The following NT5C2 variants were observed in gnomAD, a reference collection of about 807,000 sequenced individuals.
The protein encoded by NT5C2 is cytosolic purine 5'-nucleotidase.
In NT5C2, 58 loss-of-function variants were observed where a neutral mutation model predicts 76.1. That is an observed-to-expected ratio of 0.76 (90% CI 0.62 to 0.95). NT5C2 has a LOEUF of 0.95. Among genes scored for constraint, NT5C2 ranks in the 40% least tolerant of loss-of-function variants. The pLI, the probability that NT5C2 is intolerant of heterozygous loss-of-function variation, is 0.00. For missense variants in NT5C2, 478 were observed against 690.3 expected, an observed-to-expected ratio of 0.69 and a Z score of 3.45; for synonymous variants, 229 against 237.4, an observed-to-expected ratio of 0.96 and a Z score of 0.32.
Position 103,088,437 on chromosome 10 carries a change from T to A in NT5C2, c.*1235A>T, listed in dbSNP as rs1485013553. The A allele has an allele frequency of 1.3e-5, 2 of 152,180 alleles. No homozygotes were observed. Among genetic ancestry groups the A allele is most frequent in the Non-Finnish European group, 2.9e-5 (2 of 68,048 alleles). The allele number at this position is 152,180 out of a possible 1,614,324, so 9.4% of individuals were successfully genotyped here. Reference sequence around the variant, plus strand: ...TTTGTTCTTGTTGCCCAGGCTGGAGTGCAATGGCACAATCCTGGCTCACTG... The same window carrying A: ...TTTGTTCTTGTTGCCCAGGCTGGAGAGCAATGGCACAATCCTGGCTCACTG... On this transcript the variant is annotated 3_prime_UTR_variant, in exon 19 of 19. Coordinates refer to ENST00000404739, the MANE Select transcript of NT5C2 (RefSeq NM_001351169.2).
chr10:103,175,033 T>G, intron 2 of NT5C2, 51 bp from the exon 3 acceptor site: 2 of 1,018,098 alleles, frequency 2.0e-6, no homozygotes, highest in South Asian at 1.4e-5. Context: ...ATCTGTATAC[T>G]GACATCTGAT....
intron 3 of NT5C2, among the ~76,000 whole-genome samples, chr10:103,154,812 C>T (rs1225283807): frequency 6.6e-6 from 1 of 152,240 alleles, no homozygotes; most frequent in East Asian, 1.9e-4. Flanking sequence ...ATCCTCAAAG[C>T]AAATTCCATA....
chr10:103,183,263 A>T (rs765808510), intron 1 of NT5C2, among the ~76,000 whole-genome samples: 81 of 4,926 alleles, frequency 0.016, 1 homozygote, highest in Middle Eastern at 0.17. Flanking sequence ...TGTGTGTGTG[A>T]TATATATATA....
chr10:103,158,592 C>T (rs941609724), intron 3 of NT5C2, among the ~76,000 whole-genome samples: 4 of 151,900 alleles, frequency 2.6e-5, no homozygotes, highest in African/African-American at 4.8e-5. Flanking sequence ...CCAAGGCAGG[C>T]GATCACTTGA....
chr10:103,129,284 G>T (rs1350846450), intron 4 of NT5C2, among the ~76,000 whole-genome samples: 2 of 103,224 alleles, frequency 1.9e-5, no homozygotes, highest in African/African-American at 7.4e-5. Flanking sequence ...CAGCCGCCCC[G>T]TCCGGGAGGG....
intron 4 of NT5C2, among the ~76,000 whole-genome samples, chr10:103,135,727 G>A (rs2079065449): frequency 6.6e-6 from 1 of 151,774 alleles, no homozygotes; most frequent in Non-Finnish European, 1.5e-5. Context: ...GGCGGAGGTT[G>A]CAATGAGCTG....
At chr10:103,183,262 G>GATACATATATATATATAT (rs1554841573) in intron 1 of NT5C2, among the ~76,000 whole-genome samples, 1 of 73,344 alleles carries the variant, frequency 1.4e-5, no homozygotes, top group South Asian at 5.1e-4. Context: ...GTGTGTGTGT[G>GATACATATATATATATAT]ATATATATAT....
intron 3 of NT5C2, among the ~76,000 whole-genome samples, chr10:103,171,996 T>TA (rs1215389235): frequency 2.6e-5 from 4 of 151,978 alleles, no homozygotes; most frequent in Non-Finnish European, 5.9e-5. Context: ...GATCACCTGA[T>TA]ATCAGGAGTT....
intron 1 of NT5C2, among the ~76,000 whole-genome samples, chr10:103,192,295 A>G (rs139728898): frequency 1.2e-3 from 180 of 152,206 alleles, no homozygotes; most frequent in Middle Eastern, 3.4e-3. Context: ...CCCCCCTGTA[A>G]TGGTGACTAG....
At chr10:103,106,815 T>G in intron 4 of NT5C2, 109 bp from the exon 5 acceptor site, 1 of 744,350 alleles carries the variant, frequency 1.3e-6, no homozygotes, top group Non-Finnish European at 2.4e-6. Flanking sequence ...CTCCTAATTC[T>G]GCCATTTTTC....
chr10:103,111,042 C>T (rs1459158206), intron 4 of NT5C2, among the ~76,000 whole-genome samples: 2 of 152,170 alleles, frequency 1.3e-5, no homozygotes, highest in African/African-American at 4.8e-5. Flanking sequence ...TAGGAAACCA[C>T]ATATATCTCC....
At position 103,101,055 on chromosome 10, in the gene NT5C2, T is replaced by A; in HGVS notation, c.529A>T (p.Arg177Ter). 1 of 1,553,906 alleles carries A rather than the reference T, an allele frequency of 6.4e-7. No individual in the cohort carries two copies. Among genetic ancestry groups the A allele is most frequent in the Non-Finnish European group, 8.9e-7 (1 of 1,125,328 alleles). ...ATAGTATATACATACCTGGTATATC[T>A]GGGACAATTAGTAAAAAAATCTACT... ...CLVDFFTNCP[R>*]YTSCETGFKD... Residue 177 changes from arginine (R) to a stop codon, truncating the protein, a stop_gained, in exon 8 of 19, where the codon AGA (arginine) becomes TGA (stop). Coordinates refer to ENST00000404739, the MANE Select transcript of NT5C2 (RefSeq NM_001351169.2). LOFTEE classifies it high-confidence loss of function.
intron 1 of NT5C2, among the ~76,000 whole-genome samples, chr10:103,192,716 T>C (rs1348373431): frequency 3.9e-5 from 6 of 152,184 alleles, no homozygotes; most frequent in Admixed American, 3.3e-4. Flanking sequence ...AGAGGCCCCT[T>C]GGCTTCTCGG....
intron 3 of NT5C2, among the ~76,000 whole-genome samples, chr10:103,142,458 C>G (rs1175461446): frequency 6.6e-6 from 1 of 152,038 alleles, no homozygotes; most frequent in Non-Finnish European, 1.5e-5. Flanking sequence ...ATCGCTTGAG[C>G]ACAGGAGTTC....
chr10:103,104,878 A>T (rs1284714660), intron 6 of NT5C2, among the ~76,000 whole-genome samples: 1 of 152,236 alleles, frequency 6.6e-6, no homozygotes, highest in African/African-American at 2.4e-5. Flanking sequence ...AGTAAATGGA[A>T]AAGTTACATA....
In NT5C2 at chr10:103,094,145, G is replaced by A. The variant is rs182028870; in HGVS notation, c.922-107C>T. Reference sequence around the variant, plus strand: ...CCCCACCACCAGTGCTACTTGGCCAGACAGCCAAATGAATGGCACTTACTC... The same window carrying A: ...CCCCACCACCAGTGCTACTTGGCCAAACAGCCAAATGAATGGCACTTACTC... On this transcript the variant is annotated intron_variant, in intron 13 of 18. Transcript: ENST00000404739. 3,560 of 620,154 alleles carry A rather than the reference G, an allele frequency of 5.7e-3. 31 individuals carry two copies. Among genetic ancestry groups the A allele is most frequent in the Admixed American group, 0.033 (1,212 of 37,110 alleles). The allele number at this position is 620,154 out of a possible 1,614,324, so 38.4% of individuals were successfully genotyped here. A position where few individuals can be genotyped will look rare whatever the true frequency, so the allele number is the denominator to read the frequency against.
intron 4 of NT5C2, among the ~76,000 whole-genome samples, chr10:103,134,818 A>C (rs749233693): frequency 2.0e-5 from 3 of 152,246 alleles, no homozygotes; most frequent in Non-Finnish European, 2.9e-5. Flanking sequence ...GGAGCTGCCC[A>C]AAACCATGGG....
chr10:103,113,750 TAG>T (rs776301889), intron 4 of NT5C2, among the ~76,000 whole-genome samples: 11 of 152,192 alleles, frequency 7.2e-5, no homozygotes, highest in African/African-American at 2.2e-4. Flanking sequence ...TAAGAAAGTA[TAG>T]AGAGACAAAA....
intron 1 of NT5C2, among the ~76,000 whole-genome samples, chr10:103,184,142 G>A (rs2091702996): frequency 1.3e-5 from 2 of 152,044 alleles, no homozygotes; most frequent in African/African-American, 4.8e-5. Context: ...AGTACAGACG[G>A]GGTTTCACCG....
Sources: gnomAD v4.1 joint callset for allele counts (sites outside exome capture counted in the v4.1 genomes callset) on GRCh38, gnomAD v4.1.1 for gene constraint, MANE v1.5 for transcripts, NCBI Gene and HGNC (gene_info 2026-07-23, HGNC 2026-07-21) for gene names.